The following CBR1 variants were observed in gnomAD, a reference collection of about 807,000 sequenced individuals.
CBR1 encodes carbonyl reductase [NADPH] 1.
In CBR1, 11 loss-of-function variants were observed where a neutral mutation model predicts 10.6. The ratio of observed to expected loss-of-function variants is 1.03; its 90% CI spans 0.65 to 1.71. The LOEUF (loss-of-function observed/expected upper bound fraction) is 1.71, where lower values mean the gene tolerates loss of function less well. Among genes scored for constraint, CBR1 ranks in the 40% most tolerant of loss-of-function variants. The pLI, the probability that CBR1 is intolerant of heterozygous loss-of-function variation, is 0.00. For synonymous variants in CBR1, 158 were observed against 156.7 expected, an observed-to-expected ratio of 1.01 and a Z score of -0.06; for missense variants, 361 against 368.6, an observed-to-expected ratio of 0.98 and a Z score of 0.17.
chr21:36,072,124 A>C (rs1439341558), intron 2 of CBR1: 1 of 1,524,634 alleles, frequency 6.6e-7, no homozygotes, highest in Admixed American at 2.1e-5. Context: ...TTGCATGTAC[A>C]GCTTACTCTC....
chr21:36,072,909 C>A lies in CBR1; in HGVS notation c.*27C>A. The A allele has an allele frequency of 6.5e-7, 1 of 1,530,712 alleles. No individual in the cohort carries two copies. The highest frequency in any genetic ancestry group is 8.9e-7 in the Non-Finnish European group (1 of 1,117,676). The allele number at this position is 1,530,712 out of a possible 1,614,324, so 94.8% of individuals were successfully genotyped here. On this transcript the variant is annotated 3_prime_UTR_variant, in exon 3 of 3. Coordinates refer to ENST00000290349, the MANE Select transcript of CBR1 (RefSeq NM_001757.4). ...CTGGGCTCACAGCTCCATCCATGGGCCCCATTTTGTACCTTGTCCTGAGTT... is the reference window on the plus strand; with the variant it reads ...CTGGGCTCACAGCTCCATCCATGGGACCCATTTTGTACCTTGTCCTGAGTT...
At chr21:36,071,959 A>AGGT in intron 2 of CBR1, 1 of 1,536,068 alleles carries the variant, frequency 6.5e-7, no homozygotes, top group East Asian at 2.4e-5. Flanking sequence ...AACGTGCTGA[A>AGGT]GGTGCTGGAC....
chr21:36,072,235 C>T, intron 2 of CBR1: 2 of 1,550,698 alleles, frequency 1.3e-6, no homozygotes, highest in Non-Finnish European at 1.7e-6. Flanking sequence ...CCAAATCTCA[C>T]CTGACTCTAC....
chr21:36,070,471 G>T, intron 1 of CBR1, 67 bp downstream of exon 1: 1 of 1,470,494 alleles, frequency 6.8e-7, no homozygotes. Flanking sequence ...CGTCTGCGGG[G>T]TCCATAACGC....
chr21:36,070,204 C>T lies in CBR1; in HGVS notation c.89C>T (p.Ser30Leu), dbSNP rs1471173349. The part of the protein sequence containing the change: ...AIVRDLCRLF[S>L]GDVVLTARDV... ...GTGCGCGACCTGTGCCGGCTGTTCT[C>T]GGGGGACGTGGTGCTCACGGCGCGG... The change falls in exon 1 of 3, where the codon TCG (serine) becomes TTG (leucine). Residue 30 changes from serine (S) to leucine (L), a missense_variant. Ser to Leu is a moderately radical substitution (Grantham distance 145). Coordinates refer to ENST00000290349, the MANE Select transcript of CBR1 (RefSeq NM_001757.4). 3.7e-6 allele frequency: 6 copies of T among 1,607,784 alleles called. No individual in the cohort carries two copies. Among genetic ancestry groups the T allele is most frequent in the Non-Finnish European group, 3.4e-6 (4 of 1,177,806 alleles).
intron 1 of CBR1, 92 bp from the exon 2 acceptor site, chr21:36,070,858 T>TGG: frequency 1.0e-5 from 6 of 590,220 alleles, no homozygotes; most frequent in South Asian, 2.2e-5. Flanking sequence ...ACTAAGTTTT[T>TGG]TTTTTTTTTT....
chr21:36,071,694 A>G, intron 2 of CBR1: 2 of 672,860 alleles, frequency 3.0e-6, no homozygotes, highest in Non-Finnish European at 2.6e-6. Flanking sequence ...GTGCCCACTG[A>G]GTTCCTCCTG....
In CBR1 at chr21:36,071,028, C is replaced by T; in HGVS notation, c.368C>T (p.Thr123Ile). 6.2e-7 allele frequency: 1 copy of T among 1,612,748 alleles called. No homozygotes were observed. Residue 123 changes from threonine (T) to isoleucine (I), a missense_variant, in exon 2 of 3, where the codon ACA becomes ATA. Transcript: ENST00000290349. ...TNFFGTRDVC[T>I]ELLPLIKPQG... ...TTCTTTGGTACCCGAGATGTGTGCACAGAATTACTCCCTCTAATAAAACCC... is the reference window on the plus strand; with the variant it reads ...TTCTTTGGTACCCGAGATGTGTGCATAGAATTACTCCCTCTAATAAAACCC...
At position 36,072,672 on chromosome 21, in the gene CBR1, C is replaced by T. The variant is rs145472382; in HGVS notation, c.624C>T (p.His208=). The T allele has an allele frequency of 4.6e-4, 742 of 1,613,962 alleles. No individual in the cohort carries two copies. Among genetic ancestry groups the T allele is most frequent in the Non-Finnish European group, 5.5e-4 (653 of 1,179,962 alleles). Residue 208 remains histidine, a synonymous_variant, in exon 3 of 3, where the codon CAC becomes CAT. Transcript: ENST00000290349. The part of the protein sequence containing the change: ...KIGVTVLSRI[H]ARKLSEQRKG... ...GCGTCACCGTTCTGTCCAGGATCCACGCCAGGAAACTGAGTGAGCAGAGGA... is the reference window on the plus strand; with the variant it reads ...GCGTCACCGTTCTGTCCAGGATCCATGCCAGGAAACTGAGTGAGCAGAGGA...
chr21:36,070,480 G>C (rs1336593167), intron 1 of CBR1, 76 bp downstream of exon 1: 41 of 1,425,662 alleles, frequency 2.9e-5, no homozygotes, highest in East Asian at 2.6e-4. Context: ...GGTCCATAAC[G>C]CCTCCCTAGG....
At chr21:36,070,458 T>A (rs1351094540) in intron 1 of CBR1, 54 bp downstream of exon 1, 1 of 1,517,540 alleles carries the variant, frequency 6.6e-7, no homozygotes, top group Non-Finnish European at 8.8e-7. Context: ...CTGGGGCTCC[T>A]GGCGTCTGCG....
rs1205205571 is a variant in CBR1, at chr21:36,071,749, C to G, written c.397+692C>G. On this transcript the variant is annotated intron_variant, in intron 2 of 2. Coordinates refer to ENST00000290349, the MANE Select transcript of CBR1 (RefSeq NM_001757.4). ...CTACAGCAGGCCCTCACCTGTCCCTCTGGACAATTGCAAACCCTCACAAGG... is the reference window on the plus strand; with the variant it reads ...CTACAGCAGGCCCTCACCTGTCCCTGTGGACAATTGCAAACCCTCACAAGG... The G allele has an allele frequency of 1.5e-5, 17 of 1,146,286 alleles. No homozygotes were observed. The Admixed American group carries it at 3.4e-4, about 23-fold the overall frequency. 71.0% of individuals were successfully genotyped at this position (1,146,286 alleles called of 1,614,324 possible).
intron 2 of CBR1, 83 bp from the exon 3 acceptor site, chr21:36,072,363 C>T (rs763443448): frequency 3.7e-6 from 6 of 1,611,606 alleles, no homozygotes; most frequent in Non-Finnish European, 5.1e-6. Flanking sequence ...ATTTTCTGCT[C>T]CAAAATCCCT....
rs2065365009 is a variant in CBR1 at position 36,072,941 on chromosome 21, A to G, written c.*59A>G. ...TTGTACCTTGTCCTGAGTTGGTCCA[A>G]AGGGCATTTACAATGTCATAAATAT... On this transcript the variant is annotated 3_prime_UTR_variant, in exon 3 of 3. Transcript: ENST00000290349. The G allele has an allele frequency of 8.3e-7, 1 of 1,208,260 alleles. No individual in the cohort carries two copies. The highest frequency in any genetic ancestry group is 1.2e-6 in the Non-Finnish European group (1 of 854,010). 74.8% of individuals were successfully genotyped at this position (1,208,260 alleles called of 1,614,324 possible).
At chr21:36,070,598 A>C in intron 1 of CBR1, 194 bp downstream of exon 1, 1 of 586,776 alleles carries the variant, frequency 1.7e-6, no homozygotes, top group South Asian at 2.7e-5. Context: ...ACTCTTGGGG[A>C]TCTTTTTCAG....
intron 2 of CBR1, chr21:36,071,885 A>C (rs978039422): frequency 1.3e-6 from 2 of 1,535,992 alleles, no homozygotes; most frequent in African/African-American, 1.4e-5. Context: ...AGCCCTTAGC[A>C]TGGTTCACAG....
rs1395588502 is a variant in CBR1, at chr21:36,070,400, C to A, written c.285C>A (p.Phe95Leu). The A allele has an allele frequency of 6.2e-7, 1 of 1,602,518 alleles. No individual in the cohort carries two copies. Reference sequence around the variant, plus strand: ...TGGTCAACAACGCGGGCATCGCCTTCAAGGGTATGGGGAGGGGACGTGGCC... The same window carrying A: ...TGGTCAACAACGCGGGCATCGCCTTAAAGGGTATGGGGAGGGGACGTGGCC... ...DVLVNNAGIAFKVADPTPFHI... is the reference protein window; with the variant it reads ...DVLVNNAGIALKVADPTPFHI... Residue 95 changes from phenylalanine to leucine, a missense_variant, in exon 1 of 3, where the codon TTC (phenylalanine) becomes TTA (leucine). By Grantham distance (22) the Phe-to-Leu change is conservative. Coordinates refer to ENST00000290349, the MANE Select transcript of CBR1 (RefSeq NM_001757.4).
chr21:36,071,846 C>T (rs1568957497), intron 2 of CBR1: 1 of 1,536,066 alleles, frequency 6.5e-7, no homozygotes. Context: ...GGTCATGCCT[C>T]TCCCAAAATC....
In CBR1 at chr21:36,073,084, CT is replaced by C. The variant is rs2065366063; in HGVS notation, c.*203del. ...TCTGTCAGGTCTTTTGTGATTTCCT[CT>C]GATGCAGGAGAGGAAAAATTGTAAT... On this transcript the variant is annotated 3_prime_UTR_variant, in exon 3 of 3. Coordinates refer to ENST00000290349, the MANE Select transcript of CBR1 (RefSeq NM_001757.4). The C allele has an allele frequency of 2.3e-6, 1 of 439,856 alleles. No individual in the cohort carries two copies. Among genetic ancestry groups the C allele is most frequent in the African/African-American group, 2.0e-5 (1 of 49,960 alleles). The allele number at this position is 439,856 out of a possible 1,614,324, so 27.2% of individuals were successfully genotyped here.
Sources: allele counts gnomAD v4.1 joint callset, GRCh38; gene constraint gnomAD v4.1.1; transcripts MANE v1.5; gene names NCBI Gene and HGNC (gene_info 2026-07-23, HGNC 2026-07-21).